RAB30: variants seen among roughly 807,000 people sequenced by gnomAD.
RAB30 encodes the protein RAB30, member RAS oncogene family.
RAB30 carries 9 observed loss-of-function variants against 25.1 expected under a neutral mutation model. That is an observed-to-expected ratio of 0.36 (90% CI 0.22 to 0.63). The LOEUF (loss-of-function observed/expected upper bound fraction) is 0.63. Ranked by LOEUF, RAB30 falls within the 20% of genes least tolerant of loss-of-function variation. The pLI, the probability that RAB30 is intolerant of heterozygous loss-of-function variation, is 0.69. For missense variants in RAB30, 140 were observed against 243.5 expected, an observed-to-expected ratio of 0.58 and a Z score of 2.83; for synonymous variants, 77 against 86.4, an observed-to-expected ratio of 0.89 and a Z score of 0.60.
At chr11:83,026,815 T>TA (rs10708704) in intron 1 of RAB30, among the ~76,000 whole-genome samples, 14 of 151,782 alleles carry the variant, frequency 9.2e-5, no homozygotes, top group South Asian at 2.1e-4. Flanking sequence ...TTATTTTTAT[T>TA]AAAAAAAACC....
At chr11:83,056,249 T>A (rs1449772336) in intron 1 of RAB30, among the ~76,000 whole-genome samples, 1 of 152,230 alleles carries the variant, frequency 6.6e-6, no homozygotes, top group African/African-American at 2.4e-5. Flanking sequence ...CTACTCTAAA[T>A]ATCTCATATA....
At chr11:83,018,618 A>G (rs1392097001) in intron 1 of RAB30, among the ~76,000 whole-genome samples, 1 of 152,046 alleles carries the variant, frequency 6.6e-6, no homozygotes, top group Non-Finnish European at 1.5e-5. Context: ...ATAGTTTGTG[A>G]GTATTTTCTC....
intron 1 of RAB30, among the ~76,000 whole-genome samples, chr11:83,059,502 T>C (rs112424927): frequency 2.0e-5 from 3 of 152,342 alleles, no homozygotes; most frequent in African/African-American, 4.8e-5. Context: ...GCAACAATGA[T>C]GCAAGGATTG....
intron 1 of RAB30, among the ~76,000 whole-genome samples, chr11:83,008,664 C>T (rs1397540181): frequency 1.3e-5 from 2 of 152,102 alleles, no homozygotes; most frequent in Non-Finnish European, 2.9e-5. Flanking sequence ...AATTTTCCCT[C>T]AGCAGGGATG....
At chr11:83,055,121 C>A (rs1390518457) in intron 1 of RAB30, among the ~76,000 whole-genome samples, 1 of 152,208 alleles carries the variant, frequency 6.6e-6, no homozygotes, top group East Asian at 1.9e-4. Flanking sequence ...CTCTCTGAGT[C>A]ACAATTTCTG....
chr11:83,010,657 G>A (rs768638783), intron 1 of RAB30, among the ~76,000 whole-genome samples: 3 of 152,036 alleles, frequency 2.0e-5, no homozygotes, highest in Non-Finnish European at 4.4e-5. Context: ...CACATTCAAT[G>A]GGCTCTTCCA....
At chr11:82,995,077 G>C (rs906351039) in intron 2 of RAB30, among the ~76,000 whole-genome samples, 11 of 152,232 alleles carry the variant, frequency 7.2e-5, no homozygotes, top group African/African-American at 2.7e-4. Flanking sequence ...CTTAGGGAGG[G>C]AGTTGGGAGT....
intron 1 of RAB30, among the ~76,000 whole-genome samples, chr11:83,053,778 C>T (rs1858402798): frequency 6.6e-6 from 1 of 152,090 alleles, no homozygotes; most frequent in African/African-American, 2.4e-5. Context: ...AAAAAGTTTG[C>T]CAAAGTTTTA....
chr11:83,021,786 C>T (rs572879206), intron 1 of RAB30, among the ~76,000 whole-genome samples: 14 of 152,366 alleles, frequency 9.2e-5, no homozygotes, highest in South Asian at 2.1e-4. Context: ...CATGTCACTA[C>T]CTCAAGGGCT....
intron 4 of RAB30, 129 bp downstream of exon 4, chr11:82,987,458 T>C: frequency 1.1e-6 from 1 of 906,242 alleles, no homozygotes; most frequent in South Asian, 2.4e-5. Flanking sequence ...GCAGAAGAAC[T>C]GAAGGTTGAC....
chr11:83,059,424 C>T (rs959190737), intron 1 of RAB30, among the ~76,000 whole-genome samples: 2 of 152,334 alleles, frequency 1.3e-5, no homozygotes, highest in East Asian at 1.9e-4. Flanking sequence ...CTTGTGTATA[C>T]ATACCCATTT....
chr11:83,027,812 C>G (rs184334868), intron 1 of RAB30, among the ~76,000 whole-genome samples: 12 of 152,284 alleles, frequency 7.9e-5, no homozygotes, highest in Middle Eastern at 3.4e-3. Flanking sequence ...GCATTCCCCC[C>G]ACTCCCCAGC....
At chr11:83,025,999 G>T (rs1857702885) in intron 1 of RAB30, among the ~76,000 whole-genome samples, 1 of 152,068 alleles carries the variant, frequency 6.6e-6, no homozygotes, top group Non-Finnish European at 1.5e-5. Context: ...GACCAGCCTA[G>T]GAAACATAGT....
chr11:83,022,249 T>C (rs1289110134), intron 1 of RAB30, among the ~76,000 whole-genome samples: 1 of 152,166 alleles, frequency 6.6e-6, no homozygotes, highest in Non-Finnish European at 1.5e-5. Flanking sequence ...AGCCTGGACC[T>C]GCCAGGCTCA....
intron 1 of RAB30, among the ~76,000 whole-genome samples, chr11:83,054,626 C>T (rs1228361635): frequency 6.6e-6 from 1 of 151,306 alleles, no homozygotes. Context: ...CTGGAGAGGC[C>T]AAGGAGGAAG....
rs550556969 is a variant in RAB30 at position 82,995,490 on chromosome 11, G to A, written c.94-1368C>T. Among the ~76,000 whole-genome samples, 4 of 152,240 alleles carry A rather than the reference G, an allele frequency of 2.6e-5. No individual in the cohort carries two copies. The South Asian group carries it at 8.3e-4, about 32-fold the overall frequency. Reference sequence around the variant, plus strand: ...CTACCATTTTGTTCCCAACCTCTGTGCCTAAAAAACAGCTAGATCCAGTTC... The same window carrying A: ...CTACCATTTTGTTCCCAACCTCTGTACCTAAAAAACAGCTAGATCCAGTTC... On this transcript the variant is annotated intron_variant, in intron 2 of 4. Coordinates refer to ENST00000527633, the MANE Select transcript of RAB30 (RefSeq NM_001286060.2).
At chr11:83,017,421 G>T (rs926461651) in intron 1 of RAB30, among the ~76,000 whole-genome samples, 3 of 152,180 alleles carry the variant, frequency 2.0e-5, no homozygotes, top group Middle Eastern at 3.4e-3. Context: ...GGAACAGGTG[G>T]TTTTTTGTTA....
intron 1 of RAB30, among the ~76,000 whole-genome samples, chr11:83,067,053 A>G (rs1858716872): frequency 6.6e-6 from 1 of 152,086 alleles, no homozygotes; most frequent in African/African-American, 2.4e-5. Context: ...CACAGTCTGG[A>G]GCGCTTTTGC....
intron 1 of RAB30, among the ~76,000 whole-genome samples, chr11:83,023,983 C>T (rs190705896): frequency 3.9e-5 from 6 of 152,274 alleles, no homozygotes; most frequent in South Asian, 2.1e-4. Flanking sequence ...GAGTTTAATC[C>T]GTGCAGTTAC....
Sources: allele counts gnomAD v4.1 joint callset (sites outside exome capture counted in the v4.1 genomes callset), GRCh38; gene constraint gnomAD v4.1.1; transcripts MANE v1.5; gene names NCBI Gene and HGNC (gene_info 2026-07-23, HGNC 2026-07-21).